Variants in SLC6A5 observed in about 807,000 individuals in gnomAD.
The protein encoded by SLC6A5 is sodium- and chloride-dependent glycine transporter 2.
In SLC6A5, 58 loss-of-function variants were observed where a neutral mutation model predicts 90.5. The observed-to-expected ratio is 0.64, with a 90% CI of 0.52 to 0.80. The LOEUF (loss-of-function observed/expected upper bound fraction) is 0.80, where lower values mean the gene tolerates loss of function less well. SLC6A5 is among the 30% of genes least tolerant of loss of function. The pLI, the probability that SLC6A5 is intolerant of heterozygous loss-of-function variation, is 0.00. For synonymous variants in SLC6A5, 427 were observed against 401.4 expected (o/e 1.06, Z -0.76); for missense variants, 1,015 against 1,017.6 (o/e 1.00, Z 0.03).
intron 9 of SLC6A5, 130 bp from the exon 10 acceptor site, chr11:20,630,561 A>G: frequency 1.9e-6 from 2 of 1,068,698 alleles, no homozygotes; most frequent in Non-Finnish European, 2.9e-6. Context: ...TGTGGTTAGG[A>G]CATGAACGTA....
chr11:20,642,473 C>G lies in SLC6A5; in HGVS notation c.1969+3915C>G, dbSNP rs57287233. 2.0e-3 allele frequency among the ~76,000 whole-genome samples: 303 copies of G among 152,200 alleles called. 2 individuals carry two copies. The highest frequency in any genetic ancestry group is 6.7e-3 in the African/African-American group (280 of 41,534). Reference sequence around the variant, plus strand: ...CATGAGTTCACCACCTTCTTTCCCCCCTGCTGTTTTTCTGCTAATTCAGAC... The same window carrying G: ...CATGAGTTCACCACCTTCTTTCCCCGCTGCTGTTTTTCTGCTAATTCAGAC... On this transcript the variant is annotated intron_variant, in intron 13 of 15. Transcript: ENST00000525748.
chr11:20,611,069 A>G (rs1314651298), intron 5 of SLC6A5, among the ~76,000 whole-genome samples: 1 of 152,224 alleles, frequency 6.6e-6, no homozygotes, highest in Non-Finnish European at 1.5e-5. Context: ...CCTATAGATG[A>G]GATTTCTGAT....
At chr11:20,635,180 T>C (rs945275974) in intron 10 of SLC6A5, among the ~76,000 whole-genome samples, 2 of 152,210 alleles carry the variant, frequency 1.3e-5, no homozygotes, top group Non-Finnish European at 2.9e-5. Flanking sequence ...TAGGGGGTAC[T>C]GGGCTCAGTG....
chr11:20,610,221 G>C (rs1201505791), intron 5 of SLC6A5, among the ~76,000 whole-genome samples: 1 of 152,210 alleles, frequency 6.6e-6, no homozygotes, highest in Non-Finnish European at 1.5e-5. Context: ...GGGCCGCAGA[G>C]CTCTCTGATG....
intron 3 of SLC6A5, among the ~76,000 whole-genome samples, chr11:20,606,251 A>G (rs1852578970): frequency 6.6e-6 from 1 of 152,250 alleles, no homozygotes. Flanking sequence ...ATTTTGAGGA[A>G]TAAAGAGATG....
intron 5 of SLC6A5, among the ~76,000 whole-genome samples, chr11:20,611,780 AAAC>A (rs1294965874): frequency 6.6e-6 from 1 of 150,656 alleles, no homozygotes; most frequent in African/African-American, 2.4e-5. Context: ...AAAAAAAAAA[AAAC>A]AAGGTGTCAA....
At chr11:20,623,499 G>A (rs569402744) in intron 7 of SLC6A5, among the ~76,000 whole-genome samples, 21 of 152,136 alleles carry the variant, frequency 1.4e-4, no homozygotes, top group Non-Finnish European at 2.6e-4. Context: ...TTGCCTGCTG[G>A]CTGCTGTGGC....
intron 13 of SLC6A5, among the ~76,000 whole-genome samples, 157 bp downstream of exon 13, chr11:20,638,715 C>G (rs1324093450): frequency 6.6e-6 from 1 of 152,072 alleles, no homozygotes; most frequent in Non-Finnish European, 1.5e-5. Context: ...CTAAACTTGC[C>G]TCACGACCAC....
Position 20,606,995 on chromosome 11 carries a change from T to C in SLC6A5, c.680-12T>C, listed in dbSNP as rs1277344505. Reference sequence around the variant, plus strand: ...GCCTCCTAGGGCTCTCACTCCCCACTCTCTTTCCAAGGTGCTTTCCTCATC... The same window carrying C: ...GCCTCCTAGGGCTCTCACTCCCCACCCTCTTTCCAAGGTGCTTTCCTCATC... On this transcript the variant is annotated splice_polypyrimidine_tract_variant and intron_variant, in intron 3 of 15. Transcript: ENST00000525748. The C allele has an allele frequency of 1.9e-6, 3 of 1,613,908 alleles. No individual in the cohort carries two copies. The highest frequency in any genetic ancestry group is 8.5e-7 in the Non-Finnish European group (1 of 1,179,994).
chr11:20,616,468 TAAG>T, intron 6 of SLC6A5, among the ~76,000 whole-genome samples: 1 of 152,354 alleles, frequency 6.6e-6, no homozygotes, highest in East Asian at 1.9e-4. Flanking sequence ...TCTTGATTTC[TAAG>T]AAGAAATGTC....
chr11:20,601,813 C>A lies in SLC6A5; in HGVS notation c.540+148C>A. 2 of 876,742 alleles carry A rather than the reference C, an allele frequency of 2.3e-6. 1 individual carries two copies. Among genetic ancestry groups the A allele is most frequent in the South Asian group, 3.2e-5 (2 of 63,310 alleles). The allele number at this position is 876,742 out of a possible 1,614,324, so 54.3% of individuals were successfully genotyped here. On this transcript the variant is annotated intron_variant, in intron 2 of 15. Transcript: ENST00000525748. ...GATGCGGGAGGCGGCTTTGGGGCTTCGGAAGCTCGCACTGCGCTGGGGTCG... is the reference window on the plus strand; with the variant it reads ...GATGCGGGAGGCGGCTTTGGGGCTTAGGAAGCTCGCACTGCGCTGGGGTCG...
intron 13 of SLC6A5, among the ~76,000 whole-genome samples, chr11:20,644,985 G>GT (rs1463076228): frequency 6.6e-6 from 1 of 151,554 alleles, no homozygotes; most frequent in East Asian, 1.9e-4. Flanking sequence ...CTGATTTTTT[G>GT]TATTTTTGGT....
chr11:20,627,124 T>C (rs1038071202), intron 8 of SLC6A5, among the ~76,000 whole-genome samples: 3 of 152,178 alleles, frequency 2.0e-5, no homozygotes, highest in African/African-American at 7.2e-5. Context: ...ACATCACTTA[T>C]CTGTTGCTAA....
At chr11:20,607,233 G>A in intron 4 of SLC6A5, 95 bp downstream of exon 4, 1 of 1,481,214 alleles carries the variant, frequency 6.8e-7, no homozygotes, top group South Asian at 1.2e-5. Context: ...TGCCTTTGTG[G>A]TTAATAGAAC....
chr11:20,644,436 G>A (rs1458144826), intron 13 of SLC6A5, among the ~76,000 whole-genome samples: 1 of 152,156 alleles, frequency 6.6e-6, no homozygotes, highest in Non-Finnish European at 1.5e-5. Flanking sequence ...AGGCTGAATG[G>A]TACGCCGTTG....
At chr11:20,619,476 G>A (rs4922798) in intron 7 of SLC6A5, among the ~76,000 whole-genome samples, 107,386 of 152,118 alleles carry the variant, frequency 0.71, 37,957 homozygotes, top group South Asian at 0.78. Flanking sequence ...AGAGTGTGGG[G>A]AGAATCAGGT....
At chr11:20,646,995 C>T in intron 14 of SLC6A5, 61 bp downstream of exon 14, 1 of 1,103,250 alleles carries the variant, frequency 9.1e-7, no homozygotes, top group Non-Finnish European at 1.4e-6. Flanking sequence ...TGGTGTTTTA[C>T]ATTTGAACAG....
intron 5 of SLC6A5, among the ~76,000 whole-genome samples, chr11:20,613,761 G>A (rs533438666): frequency 6.8e-5 from 10 of 147,804 alleles, no homozygotes; most frequent in Non-Finnish European, 1.2e-4. Flanking sequence ...CTGGGCTCAA[G>A]CAATCCTCCT....
At chr11:20,612,118 T>C (rs1852705436) in intron 5 of SLC6A5, among the ~76,000 whole-genome samples, 1 of 152,198 alleles carries the variant, frequency 6.6e-6, no homozygotes, top group Admixed American at 6.5e-5. Context: ...CTTATTATTG[T>C]TTCCATTTTT....
Sources: gnomAD v4.1 joint callset for allele counts (sites outside exome capture counted in the v4.1 genomes callset) on GRCh38, gnomAD v4.1.1 for gene constraint, MANE v1.5 for transcripts, NCBI Gene and HGNC (gene_info 2026-07-23, HGNC 2026-07-21) for gene names.